CLMN: variants seen among roughly 807,000 people sequenced by gnomAD.
CLMN encodes the protein calmin (calponin-like, transmembrane).
In CLMN, 57 loss-of-function variants were observed where a neutral mutation model predicts 92.7. The ratio of observed to expected loss-of-function variants is 0.61; its 90% CI spans 0.50 to 0.77. CLMN has a LOEUF of 0.77. Ranked by LOEUF, CLMN falls within the 30% of genes least tolerant of loss-of-function variation. The pLI is 0.00. For missense variants in CLMN, 1,158 were observed against 1,237.5 expected (o/e 0.94, Z 0.96); for synonymous variants, 466 against 470.6 (o/e 0.99, Z 0.13).
At chr14:95,280,661 A>G (rs1048268703) in intron 1 of CLMN, among the ~76,000 whole-genome samples, 1 of 152,202 alleles carries the variant, frequency 6.6e-6, no homozygotes. Context: ...TAGATTCCCT[A>G]AAGTCCAAAA....
Position 95,210,870 on chromosome 14 carries a change from C to T in CLMN, c.618G>A (p.Val206=). The change falls in exon 7 of 13, where the codon GTG becomes GTA. Residue 206 remains valine, a synonymous_variant. Coordinates refer to ENST00000298912, the MANE Select transcript of CLMN (RefSeq NM_024734.4). The part of the protein sequence containing the change: ...WVQRKTRKYG[V]AVQDFAGSWR... ...AACTGCCCGCAAAGTCCTGCACCGC[C>T]ACGCCATACCTGAAGGAAAAACAGC... 2 of 1,507,066 alleles carry T rather than the reference C, an allele frequency of 1.3e-6. No individual in the cohort carries two copies. Among genetic ancestry groups the T allele is most frequent in the South Asian group, 1.3e-5 (1 of 76,590 alleles). The allele number at this position is 1,507,066 out of a possible 1,614,324, so 93.4% of individuals were successfully genotyped here. A position where few individuals can be genotyped will look rare whatever the true frequency, so the allele number is the denominator to read the frequency against.
chr14:95,193,137 A>G, intron 12 of CLMN: 1 of 552,610 alleles, frequency 1.8e-6, no homozygotes, highest in Non-Finnish European at 3.2e-6. Flanking sequence ...GTGGCGAGTA[A>G]ATAAAATTTT....
At chr14:95,275,917 C>T (rs1899908617) in intron 1 of CLMN, among the ~76,000 whole-genome samples, 1 of 152,218 alleles carries the variant, frequency 6.6e-6, no homozygotes, top group Non-Finnish European at 1.5e-5. Context: ...CCCACCTCAG[C>T]CTCCCAAAGT....
Position 95,259,218 on chromosome 14 carries a change from C to T in CLMN, c.83-29085G>A, listed in dbSNP as rs542410176. 3.3e-5 allele frequency among the ~76,000 whole-genome samples: 5 copies of T among 152,090 alleles called. No homozygotes were observed. The East Asian group carries it at 9.6e-4, about 29-fold the overall frequency. On this transcript the variant is annotated intron_variant, in intron 1 of 12. Transcript: ENST00000298912. The surrounding 1 kb of genome is among the most constrained non-coding windows in gnomAD (Gnocchi z 4.3). ...CCAGCAGGGCTAGGAAAGCAGTGGGCCGGCCTCCTAGTGTCAGAGGTATAG... is the reference window on the plus strand; with the variant it reads ...CCAGCAGGGCTAGGAAAGCAGTGGGTCGGCCTCCTAGTGTCAGAGGTATAG...
At chr14:95,279,750 T>C (rs568083239) in intron 1 of CLMN, among the ~76,000 whole-genome samples, 1 of 152,310 alleles carries the variant, frequency 6.6e-6, no homozygotes, top group South Asian at 2.1e-4. Context: ...GCCACTGCAC[T>C]CCAGCCTGGG....
At chr14:95,245,504 A>G (rs1275635494) in intron 1 of CLMN, among the ~76,000 whole-genome samples, 4 of 146,774 alleles carry the variant, frequency 2.7e-5, no homozygotes, top group East Asian at 4.2e-4. Context: ...GGATAGGTGG[A>G]TGGGTGGGTA....
chr14:95,310,304 G>A (rs1457808001), intron 1 of CLMN, among the ~76,000 whole-genome samples: 3 of 152,150 alleles, frequency 2.0e-5, no homozygotes, highest in Middle Eastern at 3.2e-3. Context: ...TGCATTCCTC[G>A]GCTCCTGGTC....
intron 1 of CLMN, among the ~76,000 whole-genome samples, chr14:95,243,466 T>A (rs1017561311): frequency 1.3e-4 from 20 of 152,316 alleles, no homozygotes; most frequent in African/African-American, 4.6e-4. Context: ...GCAACCATGC[T>A]TTTAAATAAT....
Position 95,189,623 on chromosome 14 carries a change from T to C in CLMN, c.*1941A>G, listed in dbSNP as rs1233542444. ...GGTCTAGACCCATAAAATGAAATGA[T>C]TCACATTTGGGTTGGCTCTTCCCAG... On this transcript the variant is annotated 3_prime_UTR_variant, in exon 13 of 13. Coordinates refer to ENST00000298912, the MANE Select transcript of CLMN (RefSeq NM_024734.4). 6.6e-6 allele frequency: 1 copy of C among 152,238 alleles called. No homozygotes were observed. The highest frequency in any genetic ancestry group is 1.5e-5 in the Non-Finnish European group (1 of 68,036). The allele number at this position is 152,238 out of a possible 1,614,324, so 9.4% of individuals were successfully genotyped here.
chr14:95,194,697 G>T lies in CLMN; in HGVS notation c.2709-101C>A. ...CTGGGGTTTCCACGTATGGGTTTAG[G>T]CAAGCGACAACTTCACAGCCAGGGA... On this transcript the variant is annotated intron_variant, in intron 10 of 12. Transcript: ENST00000298912. The surrounding 1 kb of genome is among the most constrained non-coding windows in gnomAD (Gnocchi z 4.0). 9.6e-7 allele frequency: 1 copy of T among 1,043,328 alleles called. No individual in the cohort carries two copies. The allele number at this position is 1,043,328 out of a possible 1,614,324, so 64.6% of individuals were successfully genotyped here.
At chr14:95,244,258 T>G (rs951161050) in intron 1 of CLMN, among the ~76,000 whole-genome samples, 2 of 152,214 alleles carry the variant, frequency 1.3e-5, no homozygotes, top group Non-Finnish European at 2.9e-5. Flanking sequence ...ATCAAGGCAG[T>G]CAGCCAGAGT....
chr14:95,295,887 G>A (rs1023985017), intron 1 of CLMN, among the ~76,000 whole-genome samples: 3 of 152,178 alleles, frequency 2.0e-5, no homozygotes, highest in East Asian at 1.9e-4. Context: ...AGGCTCCCCC[G>A]ATCACAAGTA....
rs530786568 is a variant in CLMN at position 95,217,359 on chromosome 14, G to C, written c.325-1626C>G. Reference sequence around the variant, plus strand: ...TCCTATCAGTTCATCATGGGTTTCCGACAACACCAATCATTTAGGCCTGGG... The same window carrying C: ...TCCTATCAGTTCATCATGGGTTTCCCACAACACCAATCATTTAGGCCTGGG... On this transcript the variant is annotated intron_variant, in intron 4 of 12. Coordinates refer to ENST00000298912, the MANE Select transcript of CLMN (RefSeq NM_024734.4). 1.7e-4 allele frequency among the ~76,000 whole-genome samples: 26 copies of C among 152,138 alleles called. 1 individual carries two copies. In the South Asian group the frequency reaches 5.4e-3, roughly 32 times the overall value.
At chr14:95,225,333 C>T (rs146989788) in intron 2 of CLMN, among the ~76,000 whole-genome samples, 2 of 152,310 alleles carry the variant, frequency 1.3e-5, no homozygotes, top group African/African-American at 4.8e-5. Flanking sequence ...CTTTAACCTC[C>T]CTGGGCCTAA....
chr14:95,218,476 C>T (rs898130802), intron 4 of CLMN, among the ~76,000 whole-genome samples: 3 of 152,192 alleles, frequency 2.0e-5, no homozygotes, highest in African/African-American at 7.2e-5. Flanking sequence ...CATCTGAATC[C>T]CTGAGCAAAG....
rs757870428 is a variant in CLMN, at chr14:95,191,648, C to T, written c.2925G>A (p.Pro975=). The part of the protein sequence containing the change: ...SDSLTQLVQQ[P]DMMYFILFLW... Reference sequence around the variant, plus strand: ...GGAAGAGAATAAAATACATCATATCCGGCTGCTGGACAAGCTGTGTCAGGG... The same window carrying T: ...GGAAGAGAATAAAATACATCATATCTGGCTGCTGGACAAGCTGTGTCAGGG... The change falls in exon 13 of 13, where the codon CCG becomes CCA. Residue 975 remains proline, a synonymous_variant. Coordinates refer to ENST00000298912, the MANE Select transcript of CLMN (RefSeq NM_024734.4). This position sits in a 1 kb window ranked among gnomAD's most constrained non-coding sequence, Gnocchi z 5.3. 36 of 1,613,774 alleles carry T rather than the reference C, an allele frequency of 2.2e-5. No individual in the cohort carries two copies. The highest frequency in any genetic ancestry group is 5.0e-5 in the Admixed American group (3 of 60,020).
At chr14:95,267,483 A>G (rs547700380) in intron 1 of CLMN, among the ~76,000 whole-genome samples, 1 of 152,224 alleles carries the variant, frequency 6.6e-6, no homozygotes, top group Non-Finnish European at 1.5e-5. Flanking sequence ...CCACAGTGAG[A>G]TATCATCTCA....
At chr14:95,243,313 A>G (rs949289732) in intron 1 of CLMN, among the ~76,000 whole-genome samples, 16 of 150,610 alleles carry the variant, frequency 1.1e-4, no homozygotes, top group Non-Finnish European at 1.5e-5. Flanking sequence ...GCAGTGGTGG[A>G]TTGATGGGGT....
rs1212816667 is a variant in CLMN, at chr14:95,190,064, C to G, written c.*1500G>C. On this transcript the variant is annotated 3_prime_UTR_variant, in exon 13 of 13. Transcript: ENST00000298912. ...TGGTATGTCAAATGACAAGCTGTTGCAGCTGTCAAGGGTATTTCAGAAGGA... is the reference window on the plus strand; with the variant it reads ...TGGTATGTCAAATGACAAGCTGTTGGAGCTGTCAAGGGTATTTCAGAAGGA... 1 of 152,192 alleles carries G rather than the reference C, an allele frequency of 6.6e-6. No homozygotes were observed. Among genetic ancestry groups the G allele is most frequent in the African/African-American group, 2.4e-5 (1 of 41,440 alleles). 9.4% of individuals were successfully genotyped at this position (152,192 alleles called of 1,614,324 possible). A position where few individuals can be genotyped will look rare whatever the true frequency, so the allele number is the denominator to read the frequency against.
Sources: gnomAD v4.1 joint callset for allele counts (sites outside exome capture counted in the v4.1 genomes callset) on GRCh38, gnomAD v4.1.1 for gene constraint, Gnocchi (gnomAD v3.1) non-coding constraint, MANE v1.5 for transcripts, NCBI Gene and HGNC (gene_info 2026-07-23, HGNC 2026-07-21) for gene names.